Variants in REPS2 observed in about 807,000 individuals in gnomAD.
The protein encoded by REPS2 is ralBP1-associated Eps domain-containing protein 2.
REPS2 carries 23 observed loss-of-function variants against 53.6 expected under a neutral mutation model. The ratio of observed to expected loss-of-function variants is 0.43; its 90% CI spans 0.31 to 0.61. REPS2 has a LOEUF of 0.61. REPS2 is among the 20% of genes least tolerant of loss of function. The pLI, the probability that REPS2 is intolerant of heterozygous loss-of-function variation, is 0.11. For missense variants in REPS2, 446 were observed against 534.9 expected (o/e 0.83, Z 1.64); for synonymous variants, 238 against 218.6 (o/e 1.09, Z -0.78).
Position 16,956,697 on chromosome X carries a change from G to A in REPS2, c.273+9563G>A, listed in dbSNP as rs113621310. Among the ~76,000 whole-genome samples, 644 of 111,412 alleles carry A rather than the reference G, an allele frequency of 5.8e-3. 7 individuals are homozygous for A. Among genetic ancestry groups the A allele is most frequent in the African/African-American group, 0.02 (617 of 30,306 alleles). On this transcript the variant is annotated intron_variant, in intron 1 of 17. Transcript: ENST00000357277. ...CACCAGGGACAGTTCCTGCAGTCCC[G>A]GCTCTGAGCTCTGCTCCTGACCGTT...
chrX:17,047,344 C>T lies in REPS2; in HGVS notation c.772-3C>T. The T allele has an allele frequency of 1.7e-6, 2 of 1,209,053 alleles. No individual in the cohort carries two copies. The highest frequency in any genetic ancestry group is 2.2e-6 in the Non-Finnish European group (2 of 893,731). On this transcript the variant is annotated splice_region_variant and splice_polypyrimidine_tract_variant and intron_variant, in intron 5 of 17. Transcript: ENST00000357277. ...GCATTTACTTTTTAATTTATTCTTA[C>T]AGTCCTTTTCAGTGGAGAGGGAACT...
intron 13 of REPS2, among the ~76,000 whole-genome samples, chrX:17,086,889 G>C (rs188372185): frequency 8.9e-6 from 1 of 112,174 alleles, no homozygotes; most frequent in East Asian, 2.8e-4. Context: ...TATTTAATGA[G>C]CATTTACTGG....
intron 1 of REPS2, among the ~76,000 whole-genome samples, chrX:16,972,172 T>C (rs1301713508): frequency 1.8e-5 from 2 of 111,939 alleles, no homozygotes; most frequent in African/African-American, 6.5e-5. Flanking sequence ...TAGGTACTGA[T>C]GGTTCCAGTT....
chrX:16,987,748 A>G (rs2061109411), intron 1 of REPS2, among the ~76,000 whole-genome samples: 1 of 112,566 alleles, frequency 8.9e-6, no homozygotes, highest in African/African-American at 3.2e-5. Context: ...AAATTTATTT[A>G]CAGAAACAGA....
intron 5 of REPS2, 150 bp from the exon 6 acceptor site, chrX:17,047,197 A>T: frequency 2.0e-6 from 1 of 509,134 alleles, no homozygotes; most frequent in Non-Finnish European, 3.2e-6. Flanking sequence ...TTTCTGTTCT[A>T]GTTAGATTCT....
rs200359212 is a variant in REPS2 at position 17,052,451 on chromosome X, T to C, written c.971+6T>C. 1.9e-5 allele frequency: 22 copies of C among 1,170,317 alleles called. No individual in the cohort carries two copies. Among genetic ancestry groups the C allele is most frequent in the Middle Eastern group, 2.4e-4 (1 of 4,247 alleles). ...CCAGAACTCTCCTATATATGGTAAGTACAATTAATGCCATATGACATTCAT... is the reference window on the plus strand; with the variant it reads ...CCAGAACTCTCCTATATATGGTAAGCACAATTAATGCCATATGACATTCAT... On this transcript the variant is annotated splice_donor_region_variant and intron_variant, in intron 7 of 17. Coordinates refer to ENST00000357277, the MANE Select transcript of REPS2 (RefSeq NM_004726.3).
intron 13 of REPS2, among the ~76,000 whole-genome samples, chrX:17,090,570 A>G (rs2062601796): frequency 8.9e-6 from 1 of 112,260 alleles, no homozygotes; most frequent in South Asian, 3.7e-4. Context: ...CATGCTCATT[A>G]AAAAATTGGG....
At chrX:17,130,523 T>C (rs2063278139) in intron 14 of REPS2, among the ~76,000 whole-genome samples, 1 of 111,743 alleles carries the variant, frequency 8.9e-6, no homozygotes, top group South Asian at 3.8e-4. Context: ...CCCATGAGAC[T>C]GGGTGCTTCT....
chrX:16,965,635 G>A (rs1210786184), intron 1 of REPS2, among the ~76,000 whole-genome samples: 4 of 112,390 alleles, frequency 3.6e-5, no homozygotes, highest in Non-Finnish European at 7.5e-5. Context: ...ATGGGCGGCC[G>A]GGCAGAGACG....
intron 16 of REPS2, chrX:17,138,201 C>T (rs969370624): frequency 1.4e-4 from 16 of 112,205 alleles, no homozygotes; most frequent in Non-Finnish European, 2.3e-4. Flanking sequence ...CTGTAATGGG[C>T]GCAGTAGGAT....
intron 1 of REPS2, among the ~76,000 whole-genome samples, chrX:16,968,545 C>T (rs1303218569): frequency 7.3e-5 from 7 of 95,611 alleles, no homozygotes; most frequent in African/African-American, 1.2e-4. Context: ...CCCTCCGGGA[C>T]GGGGTGGCTG....
chrX:16,964,938 A>G (rs2060721796), intron 1 of REPS2, among the ~76,000 whole-genome samples: 1 of 65,559 alleles, frequency 1.5e-5, no homozygotes, highest in Non-Finnish European at 2.8e-5. Context: ...TCCCTCCCGG[A>G]CGGGGCGGCT....
At chrX:17,058,184 G>C (rs1021160399) in intron 8 of REPS2, among the ~76,000 whole-genome samples, 1 of 111,670 alleles carries the variant, frequency 9.0e-6, no homozygotes, top group African/African-American at 3.3e-5. Context: ...GCTGGGTGTG[G>C]TGGCTCACAC....
At position 16,969,485 on chromosome X, in the gene REPS2, A is replaced by T. The variant is rs868853238; in HGVS notation, c.273+22351A>T. 2.5e-4 allele frequency among the ~76,000 whole-genome samples: 27 copies of T among 108,768 alleles called. 1 individual carries two copies. Among genetic ancestry groups the T allele is most frequent in the Middle Eastern group, 4.8e-3 (1 of 209 alleles). 94.5% of individuals were successfully genotyped at this position (108,768 alleles called of 115,157 possible). On this transcript the variant is annotated intron_variant, in intron 1 of 17. Transcript: ENST00000357277. ...CCGTCTGCAATCCCGGCACCTCGGG[A>T]GGCCGAGGCTGGCGGATCACTCCCG...
chrX:17,091,631 A>C (rs980422118), intron 13 of REPS2, among the ~76,000 whole-genome samples: 18 of 112,112 alleles, frequency 1.6e-4, no homozygotes, highest in Non-Finnish European at 3.0e-4. Context: ...ATAGAGAATT[A>C]AATGAGCTTG....
chrX:16,971,102 C>T (rs779611950), intron 1 of REPS2, among the ~76,000 whole-genome samples: 1 of 112,336 alleles, frequency 8.9e-6, no homozygotes, highest in Non-Finnish European at 1.9e-5. Context: ...ATTTGACATT[C>T]TTGTGAGCAA....
At chrX:16,960,478 A>G (rs995615980) in intron 1 of REPS2, among the ~76,000 whole-genome samples, 17 of 112,780 alleles carry the variant, frequency 1.5e-4, no homozygotes, top group African/African-American at 5.5e-4. Flanking sequence ...ATAAGTTTAA[A>G]AGGGAATTTC....
In REPS2 at chrX:17,022,274, A is replaced by G; in HGVS notation, c.546+3A>G. On this transcript the variant is annotated splice_donor_region_variant and intron_variant, in intron 3 of 17. Transcript: ENST00000357277. ...GAATGGACGATGAGGATAAACAGGT[A>G]AACAGTTTGTTCAGATGTGTTCATT... is the stretch of plus-strand genomic sequence containing the variant. 8.3e-7 allele frequency: 1 copy of G among 1,206,977 alleles called. No homozygotes were observed. The highest frequency in any genetic ancestry group is 1.1e-6 in the Non-Finnish European group (1 of 892,183).
intron 9 of REPS2, among the ~76,000 whole-genome samples, chrX:17,066,558 T>C (rs112028901): frequency 8.9e-6 from 1 of 112,635 alleles, no homozygotes; most frequent in African/African-American, 3.2e-5. Flanking sequence ...TTGTCTGTTC[T>C]ATTGGAGATA....
Sources: allele counts gnomAD v4.1 joint callset (sites outside exome capture counted in the v4.1 genomes callset), GRCh38; gene constraint gnomAD v4.1.1; transcripts MANE v1.5; gene names NCBI Gene and HGNC (gene_info 2026-07-23, HGNC 2026-07-21).